PMFBP1: variants seen among roughly 807,000 people sequenced by gnomAD.
PMFBP1 encodes polyamine modulated factor 1 binding protein 1.
Under a neutral mutation model 137.8 loss-of-function variants are expected in PMFBP1, and 131 were observed. That is an observed-to-expected ratio of 0.95 (90% CI 0.82 to 1.10). The LOEUF is 1.10. Ranked by LOEUF, PMFBP1 falls within the 50% of genes least tolerant of loss-of-function variation. The probability of loss-of-function intolerance (pLI) is 0.00; values close to 1 mark genes in which losing one functional copy is unlikely to be tolerated. For synonymous variants in PMFBP1, 490 were observed against 450.4 expected (o/e 1.09, Z -1.11); for missense variants, 1,199 against 1,175.4 (o/e 1.02, Z -0.29).
the PMFBP1 span, among the ~76,000 whole-genome samples, chr16:72,225,823 G>A: frequency 1.3e-5 from 2 of 151,596 alleles, no homozygotes; most frequent in Non-Finnish European, 2.9e-5. Flanking sequence ...TGCTAGGTGT[G>A]TAGTCACATT....
the PMFBP1 span, among the ~76,000 whole-genome samples, chr16:72,212,148 C>T: frequency 1.3e-5 from 2 of 151,142 alleles, no homozygotes; most frequent in Non-Finnish European, 1.5e-5. Flanking sequence ...CTTTTTAAAC[C>T]CTCATATTGG....
At chr16:72,181,248 AAATAAT>A (rs1224881528), upstream of PMFBP1, among the ~76,000 whole-genome samples, 1 of 150,150 alleles carries the variant, frequency 6.7e-6, no homozygotes, top group East Asian at 1.9e-4. Flanking sequence ...AAAAAAAAAA[AAATAAT>A]AATAATAATA....
chr16:72,128,427 T>C (rs1159442377), intron 14 of PMFBP1: 10 of 1,484,030 alleles, frequency 6.7e-6, no homozygotes, highest in Non-Finnish European at 8.0e-6. Flanking sequence ...CCCAAATAGC[T>C]TGGGGCTCCA....
intron 19 of PMFBP1, among the ~76,000 whole-genome samples, chr16:72,121,342 G>A (rs11641721): frequency 0.12 from 19,006 of 152,100 alleles, 1,659 homozygotes; most frequent in South Asian, 0.18. Flanking sequence ...CTCCTTTCCC[G>A]GCTCTCTGGC....
At chr16:72,128,267 A>T in intron 14 of PMFBP1, 1 of 748,036 alleles carries the variant, frequency 1.3e-6, no homozygotes, top group Non-Finnish European at 1.9e-6. Context: ...TGTCATTTTT[A>T]CTTGTGTAAT....
the PMFBP1 span, among the ~76,000 whole-genome samples, chr16:72,237,239 A>G: frequency 2.6e-5 from 4 of 152,130 alleles, no homozygotes; most frequent in Non-Finnish European, 5.9e-5. Context: ...GAGGAACGTT[A>G]TTTGGTTAGG....
At chr16:72,195,937 C>A in the PMFBP1 span, among the ~76,000 whole-genome samples, 2 of 151,274 alleles carry the variant, frequency 1.3e-5, no homozygotes, top group Non-Finnish European at 2.9e-5. Flanking sequence ...CTAGTAAAGA[C>A]TGTAAGTGTG....
chr16:72,156,952 C>T (rs1217237622), intron 3 of PMFBP1, among the ~76,000 whole-genome samples: 1 of 151,780 alleles, frequency 6.6e-6, no homozygotes, highest in African/African-American at 2.4e-5. Flanking sequence ...CTTTGGGAGG[C>T]TGAGGCAGGC....
At chr16:72,196,011 GT>G in the PMFBP1 span, among the ~76,000 whole-genome samples, 41 of 151,922 alleles carry the variant, frequency 2.7e-4, no homozygotes, top group South Asian at 8.5e-3. Flanking sequence ...GTGTGTGTGT[GT>G]GTGTGTGTGT....
At chr16:72,198,503 C>T in the PMFBP1 span, among the ~76,000 whole-genome samples, 5 of 152,066 alleles carry the variant, frequency 3.3e-5, no homozygotes, top group Non-Finnish European at 1.5e-5. Flanking sequence ...CCCGCACATC[C>T]CCCTGCCCTG....
At chr16:72,198,614 T>C in the PMFBP1 span, among the ~76,000 whole-genome samples, 4 of 152,132 alleles carry the variant, frequency 2.6e-5, no homozygotes, top group African/African-American at 9.7e-5. Context: ...AATTAAAAAA[T>C]GACCGGCCTC....
At chr16:72,133,099 G>A in intron 9 of PMFBP1, 108 bp from the exon 10 acceptor site, 1 of 1,354,160 alleles carries the variant, frequency 7.4e-7, no homozygotes, top group Non-Finnish European at 1.0e-6. Flanking sequence ...CCCCTGCCTG[G>A]ACATTGCACG....
the PMFBP1 span, among the ~76,000 whole-genome samples, chr16:72,232,729 A>G: frequency 1.3e-5 from 2 of 152,274 alleles, no homozygotes; most frequent in Non-Finnish European, 2.9e-5. Flanking sequence ...GGGGACTGAC[A>G]TGAAGAGGTT....
chr16:72,122,806 CCTTTCCTGGG>C (rs1452224774), intron 19 of PMFBP1, 98 bp downstream of exon 19: 2 of 996,438 alleles, frequency 2.0e-6, no homozygotes, highest in Admixed American at 4.5e-5. Context: ...AAGCACCAGG[CCTTTCCTGGG>C]CTGATCCCCC....
chr16:72,214,673 A>C, the PMFBP1 span, among the ~76,000 whole-genome samples: 4 of 152,238 alleles, frequency 2.6e-5, no homozygotes, highest in Admixed American at 2.0e-4. Context: ...TTCACAATAC[A>C]GAGCATGTGT....
chr16:72,182,357 A>G, the PMFBP1 span, among the ~76,000 whole-genome samples: 27 of 152,226 alleles, frequency 1.8e-4, no homozygotes, highest in Admixed American at 8.5e-4. Flanking sequence ...TGAGCCAGGC[A>G]TGGTGGTGCA....
chr16:72,119,910 G>C lies in PMFBP1; in HGVS notation c.2948C>G (p.Pro983Arg). ...GTCCATTCTTTGACCCATATCCTGGGGCAACCCCTTCCAGCCCAAGGTGCC... is the reference window on the plus strand; with the variant it reads ...GTCCATTCTTTGACCCATATCCTGGCGCAACCCCTTCCAGCCCAAGGTGCC... ...VCGTLGWKGLPQDMGQRMDLT... is the reference protein window; with the variant it reads ...VCGTLGWKGLRQDMGQRMDLT... The change falls in exon 20 of 21, where the codon CCC becomes CGC. Residue 983 changes from proline (P) to arginine (R), a missense_variant. Physicochemically the swap from Pro to Arg is moderately radical, Grantham distance 103. Transcript: ENST00000237353. The C allele has an allele frequency of 6.2e-7, 1 of 1,614,142 alleles. No homozygotes were observed. The highest frequency in any genetic ancestry group is 8.5e-7 in the Non-Finnish European group (1 of 1,180,030).
chr16:72,139,080 A>T (rs2042676268), intron 7 of PMFBP1, among the ~76,000 whole-genome samples: 2 of 152,224 alleles, frequency 1.3e-5, no homozygotes, highest in Admixed American at 6.5e-5. Flanking sequence ...GGGTTAAGAG[A>T]CAGGTGCAGT....
At chr16:72,161,075 T>C (rs1262327186) in intron 3 of PMFBP1, among the ~76,000 whole-genome samples, 1 of 151,564 alleles carries the variant, frequency 6.6e-6, no homozygotes, top group Non-Finnish European at 1.5e-5. Flanking sequence ...CTTATATCAC[T>C]GGATAGGTTT....
Sources: gnomAD v4.1 joint callset for allele counts (sites outside exome capture counted in the v4.1 genomes callset) on GRCh38, gnomAD v4.1.1 for gene constraint, MANE v1.5 for transcripts, NCBI Gene and HGNC (gene_info 2026-07-23, HGNC 2026-07-21) for gene names.